Variants in NFATC3 observed in about 807,000 individuals in gnomAD.
NFATC3 encodes the protein nuclear factor of activated T-cells, cytoplasmic 3.
A neutral mutation model predicts 98.6 loss-of-function variants in NFATC3; 46 were observed. The ratio of observed to expected loss-of-function variants is 0.47; its 90% confidence interval spans 0.37 to 0.60. The LOEUF is 0.60. Among genes scored for constraint, NFATC3 ranks in the 20% least tolerant of loss-of-function variants. The pLI is 0.00. For synonymous variants in NFATC3, 512 were observed against 472.2 expected, an observed-to-expected ratio of 1.08 and a Z score of -1.09; for missense variants, 1,256 against 1,295.5, an observed-to-expected ratio of 0.97 and a Z score of 0.47.
At chr16:68,185,896 A>G (rs1281812169) in intron 8 of NFATC3, among the ~76,000 whole-genome samples, 4 of 150,506 alleles carry the variant, frequency 2.7e-5, no homozygotes, top group Non-Finnish European at 5.9e-5. Context: ...GCAAACCAGG[A>G]GAATTTGCCG....
intron 3 of NFATC3, among the ~76,000 whole-genome samples, chr16:68,147,010 G>T (rs971458665): frequency 6.6e-6 from 1 of 152,210 alleles, no homozygotes; most frequent in Non-Finnish European, 1.5e-5. Flanking sequence ...GAAAGGCATA[G>T]CCCTATTTTT....
intron 3 of NFATC3, among the ~76,000 whole-genome samples, chr16:68,154,142 A>ACTC (rs1320906563): frequency 2.1e-5 from 3 of 144,852 alleles, no homozygotes; most frequent in Non-Finnish European, 4.6e-5. Context: ...CTGGTCTTGA[A>ACTC]CTCCTGGCCT....
chr16:68,159,332 G>A (rs1386893103), intron 4 of NFATC3, among the ~76,000 whole-genome samples: 3 of 151,944 alleles, frequency 2.0e-5, no homozygotes, highest in East Asian at 3.9e-4. Context: ...TGGGTAGTAG[G>A]CACAACCAGA....
Position 68,227,257 on chromosome 16 carries a change from G to A in NFATC3, c.*786G>A, listed in dbSNP as rs1209058220. The A allele has an allele frequency of 6.6e-6, 1 of 152,208 alleles. No homozygotes were observed. Among genetic ancestry groups the A allele is most frequent in the Non-Finnish European group, 1.5e-5 (1 of 68,038 alleles). 9.4% of individuals were successfully genotyped at this position (152,208 alleles called of 1,614,324 possible). On this transcript the variant is annotated 3_prime_UTR_variant, in exon 10 of 10. Coordinates refer to ENST00000346183, the MANE Select transcript of NFATC3 (RefSeq NM_173165.3). ...AGATGGCTACATTTAAGGTGACTCT[G>A]AATGGTGGGGTTCTAGCTTGGTCAC...
At chr16:68,088,016 C>T (rs2034484524) in intron 1 of NFATC3, among the ~76,000 whole-genome samples, 1 of 152,056 alleles carries the variant, frequency 6.6e-6, no homozygotes, top group Admixed American at 6.6e-5. Flanking sequence ...GCTAAGTTTT[C>T]AGAATTACTT....
chr16:68,106,800 G>A (rs2035685092), intron 1 of NFATC3, among the ~76,000 whole-genome samples: 1 of 151,674 alleles, frequency 6.6e-6, no homozygotes, highest in Admixed American at 6.6e-5. Flanking sequence ...GGATATGGAA[G>A]TTTGTTACAT....
At chr16:68,097,411 G>T (rs2035074391) in intron 1 of NFATC3, among the ~76,000 whole-genome samples, 1 of 152,200 alleles carries the variant, frequency 6.6e-6, no homozygotes, top group Non-Finnish European at 1.5e-5. Flanking sequence ...AGCATCTGTA[G>T]ATTTATTAGG....
chr16:68,131,263 A>C (rs539112563), intron 3 of NFATC3, among the ~76,000 whole-genome samples: 20 of 152,228 alleles, frequency 1.3e-4, no homozygotes, highest in African/African-American at 4.6e-4. Context: ...ATTCTTATAC[A>C]ACAACAACTT....
In NFATC3 at chr16:68,085,617, T is replaced by TGCCGCCGCTTGCCGCTGCC. The variant is rs2034320391; in HGVS notation, c.-56_-38dup. 8 of 1,396,992 alleles carry TGCCGCCGCTTGCCGCTGCC rather than the reference T, an allele frequency of 5.7e-6. No individual in the cohort carries two copies. The South Asian group carries it at 7.9e-5, about 14-fold the overall frequency. The allele number at this position is 1,396,992 out of a possible 1,614,324, so 86.5% of individuals were successfully genotyped here. ...GCATGAAGCGGCGTTGAGGAGCTGC[T>TGCCGCCGCTTGCCGCTGCC]GCCGCCGCTTGCCGCTGCCGCCGCC... On this transcript the variant is annotated 5_prime_UTR_variant, in exon 1 of 10. Coordinates refer to ENST00000346183, the MANE Select transcript of NFATC3 (RefSeq NM_173165.3).
chr16:68,200,281 C>G (rs1032407834), intron 9 of NFATC3: 2 of 151,980 alleles, frequency 1.3e-5, no homozygotes, highest in Non-Finnish European at 2.9e-5. Flanking sequence ...AAGACTGTCA[C>G]TTTCCCTGTT....
chr16:68,214,311 T>A (rs377606705), intron 9 of NFATC3: 76 of 1,601,762 alleles, frequency 4.7e-5, no homozygotes, highest in Non-Finnish European at 6.2e-5. Flanking sequence ...AGTAGTGATG[T>A]TGTCTTCTTT....
chr16:68,171,934 G>A (rs2039482698), intron 5 of NFATC3, among the ~76,000 whole-genome samples: 1 of 151,930 alleles, frequency 6.6e-6, no homozygotes, highest in Non-Finnish European at 1.5e-5. Flanking sequence ...GATTACAGGC[G>A]TGCACCACCA....
At chr16:68,194,489 A>G (rs901645340) in intron 9 of NFATC3, among the ~76,000 whole-genome samples, 6 of 152,228 alleles carry the variant, frequency 3.9e-5, no homozygotes, top group Non-Finnish European at 7.3e-5. Context: ...GCAGGCTGCT[A>G]CTTTTATGCA....
intron 1 of NFATC3, among the ~76,000 whole-genome samples, chr16:68,108,652 A>G (rs1388740861): frequency 2.0e-5 from 3 of 152,174 alleles, no homozygotes; most frequent in Admixed American, 1.3e-4. Flanking sequence ...CATTGAATCT[A>G]TAATTTGCTT....
rs546396221 is a variant in NFATC3, at chr16:68,096,039, G to A, written c.103+10255G>A. ...GTCTCACTTTGTTGCCCAGGCTGGA[G>A]TTCAGTGGCTCAATCATAGATCACT... On this transcript the variant is annotated intron_variant, in intron 1 of 9. Transcript: ENST00000346183. 7.4e-4 allele frequency among the ~76,000 whole-genome samples: 113 copies of A among 152,238 alleles called. 1 individual carries two copies. Among genetic ancestry groups the A allele is most frequent in the Non-Finnish European group, 1.3e-3 (86 of 68,020 alleles).
At chr16:68,150,581 C>G (rs79365361) in intron 3 of NFATC3, among the ~76,000 whole-genome samples, 1 of 137,900 alleles carries the variant, frequency 7.3e-6, no homozygotes, top group Non-Finnish European at 1.6e-5. Flanking sequence ...GACCCTGAAT[C>G]AAAAAAAAAA....
chr16:68,101,268 G>C (rs1273144905), intron 1 of NFATC3, among the ~76,000 whole-genome samples: 4 of 151,494 alleles, frequency 2.6e-5, no homozygotes, highest in Non-Finnish European at 5.9e-5. Context: ...CTGAGCCTCT[G>C]TAATAGCTGG....
chr16:68,085,884 CCCT>C, intron 1 of NFATC3, 100 bp downstream of exon 1: 1 of 938,110 alleles, frequency 1.1e-6, no homozygotes. Flanking sequence ...AGACCGATAA[CCCT>C]GTGTGTGTGT....
chr16:68,145,894 A>G (rs767520026), intron 3 of NFATC3, among the ~76,000 whole-genome samples: 8 of 152,184 alleles, frequency 5.3e-5, no homozygotes, highest in Non-Finnish European at 7.4e-5. Context: ...ATCAGTGTCA[A>G]TGTCCTGGTT....
Sources: gnomAD v4.1 joint callset for allele counts (sites outside exome capture counted in the v4.1 genomes callset) on GRCh38, gnomAD v4.1.1 for gene constraint, MANE v1.5 for transcripts, NCBI Gene and HGNC (gene_info 2026-07-23, HGNC 2026-07-21) for gene names.